Variants in AKT1S1 observed in about 807,000 individuals in gnomAD.
AKT1S1 encodes AKT1 substrate 1, also known as proline-rich AKT1 substrate 1.
Under a neutral mutation model 21.2 loss-of-function variants are expected in AKT1S1, and 17 were observed. The ratio of observed to expected loss-of-function variants is 0.80; its 90% CI spans 0.55 to 1.20. The LOEUF (loss-of-function observed/expected upper bound fraction) is 1.20. Ranked by LOEUF, AKT1S1 falls within the 50% of genes most tolerant of loss-of-function variation. The probability of loss-of-function intolerance (pLI) is 0.00; values close to 1 mark genes in which losing one functional copy is unlikely to be tolerated. For missense variants in AKT1S1, 366 were observed against 368.3 expected, an observed-to-expected ratio of 0.99 and a Z score of 0.05; for synonymous variants, 181 against 165.6, an observed-to-expected ratio of 1.09 and a Z score of -0.72.
chr19:49,874,795 C>G (rs112858907), intron 1 of AKT1S1: 5 of 152,398 alleles, frequency 3.3e-5, no homozygotes, highest in African/African-American at 1.2e-4. Context: ...AGTAAGCACA[C>G]CGCCACTGCA....
At chr19:49,871,781 G>A (rs368939470) in intron 3 of AKT1S1, 31 bp downstream of exon 3, 1 of 1,611,398 alleles carries the variant, frequency 6.2e-7, no homozygotes, top group Non-Finnish European at 8.5e-7. Context: ...CCTGCCCTCA[G>A]GTCGGGAGGG....
rs1568668058 is a variant in AKT1S1, at chr19:49,873,170, G to A, written c.126C>T (p.Gly42=). 2 of 1,534,248 alleles carry A rather than the reference G, an allele frequency of 1.3e-6. No individual in the cohort carries two copies. Among genetic ancestry groups the A allele is most frequent in the Admixed American group, 3.9e-5 (2 of 50,926 alleles). Reference sequence around the variant, plus strand: ...GACCATGGGCAGCATAGGCACAGGGGCCCGGGCGGGGTGGTGGCGGCGGGG... The same window carrying A: ...GACCATGGGCAGCATAGGCACAGGGACCCGGGCGGGGTGGTGGCGGCGGGG... ...TAAPPPPPRP[G]PCAYAAHGRG... Residue 42 remains glycine (G), a synonymous_variant, in exon 2 of 5, where the codon GGC becomes GGT. Coordinates refer to ENST00000344175, the MANE Select transcript of AKT1S1 (RefSeq NM_001098633.4). The surrounding 1 kb of genome is among the most constrained non-coding windows in gnomAD (Gnocchi z 6.9).
In AKT1S1 at chr19:49,869,930, T is replaced by C; in HGVS notation, c.758A>G (p.Lys253Arg). The change falls in exon 5 of 5, where the codon AAG (lysine) becomes AGG (arginine). Residue 253 changes from lysine (K) to arginine (R), a missense_variant. Physicochemically the swap from Lys to Arg is conservative, Grantham distance 26. Coordinates refer to ENST00000344175, the MANE Select transcript of AKT1S1 (RefSeq NM_001098633.4). ...CCTCCCTGGACTTCAATATTTCCGC[T>C]TCAGCTTCTGGAAGTCGCTGGTGTT... ...RLNTSDFQKL[K>R]RKY 5 of 1,525,504 alleles carry C rather than the reference T, an allele frequency of 3.3e-6. No homozygotes were observed. Among genetic ancestry groups the C allele is most frequent in the Non-Finnish European group, 4.4e-6 (5 of 1,128,344 alleles). 94.5% of individuals were successfully genotyped at this position (1,525,504 alleles called of 1,614,324 possible). A position where few individuals can be genotyped will look rare whatever the true frequency, so the allele number is the denominator to read the frequency against.
Position 49,873,928 on chromosome 19 carries a change from C to T in AKT1S1, c.-7-626G>A, listed in dbSNP as rs1181470030. On this transcript the variant is annotated intron_variant, in intron 1 of 4. Transcript: ENST00000344175. The surrounding 1 kb of genome is among the most constrained non-coding windows in gnomAD (Gnocchi z 6.9). ...TGGATGATGCCACCCTGCTCCGTCG[C>T]CCAGCCATCCCGTCAAGAGTGTCCT... The T allele has an allele frequency of 6.6e-6, 1 of 152,282 alleles. No homozygotes were observed. The highest frequency in any genetic ancestry group is 1.9e-4 in the East Asian group (1 of 5,204). The allele number at this position is 152,282 out of a possible 1,614,324, so 9.4% of individuals were successfully genotyped here.
intron 1 of AKT1S1, chr19:49,875,823 C>T (rs1201574862): frequency 2.0e-6 from 2 of 984,596 alleles, no homozygotes; most frequent in East Asian, 2.3e-4. Context: ...CAGGGGCACC[C>T]TGTAATGCTA....
upstream of AKT1S1, chr19:49,877,513 A>T: frequency 1.8e-6 from 1 of 554,638 alleles, no homozygotes; most frequent in Non-Finnish European, 3.2e-6. Flanking sequence ...AGCCGGATCC[A>T]CCTTCAGCGT....
chr19:49,873,240 C>T lies in AKT1S1; in HGVS notation c.56G>A (p.Arg19His), dbSNP rs1318763544. 2.6e-6 allele frequency: 4 copies of T among 1,534,970 alleles called. No homozygotes were observed. Among genetic ancestry groups the T allele is most frequent in the African/African-American group, 1.4e-5 (1 of 70,684 alleles). Residue 19 changes from arginine (R) to histidine (H), a missense_variant, in exon 2 of 5, where the codon CGC becomes CAC. Transcript: ENST00000344175. This position sits in a 1 kb window ranked among gnomAD's most constrained non-coding sequence, Gnocchi z 6.9. ...CTCCGTGCCAGTCCGGGCCCGGAAG[C>T]GCTCAGCGGCCCCCACCACGGCCTC... is the stretch of plus-strand genomic sequence containing the variant. Reference protein sequence around the residue: ...LWEAVVGAAERFRARTGTELV... With the variant: ...LWEAVVGAAEHFRARTGTELV...
rs543993929 is a variant in AKT1S1 at position 49,871,043 on chromosome 19, T to G, written c.627+504A>C. Among the ~76,000 whole-genome samples the G allele has an allele frequency of 1.8e-4, 27 of 152,228 alleles. No individual in the cohort carries two copies. The South Asian group carries it at 2.1e-3, about 12-fold the overall frequency. On this transcript the variant is annotated intron_variant, in intron 4 of 4. Coordinates refer to ENST00000344175, the MANE Select transcript of AKT1S1 (RefSeq NM_001098633.4). The stretch of plus-strand genomic sequence containing the variant: ...CTCTGCCTCTCAGGGAAGTCACATG[T>G]CCCCTCAGTGCCTCAGTTTCCCCTC...
upstream of AKT1S1, chr19:49,878,207 C>G (rs753384830): frequency 3.2e-6 from 5 of 1,565,682 alleles, no homozygotes; most frequent in African/African-American, 1.4e-5. Flanking sequence ...GACCGAGACT[C>G]TCTCATCGCT....
At chr19:49,874,602 C>A (rs1040025102) in intron 1 of AKT1S1, 1 of 152,284 alleles carries the variant, frequency 6.6e-6, no homozygotes, top group Non-Finnish European at 1.5e-5. Flanking sequence ...ATGCAGGGTG[C>A]GTCTCCTTAC....
intron 1 of AKT1S1, chr19:49,876,751 A>G: frequency 7.4e-7 from 1 of 1,350,462 alleles, no homozygotes; most frequent in Non-Finnish European, 9.7e-7. Context: ...GATGGCGGCC[A>G]CAGGGGCTTC....
chr19:49,876,718 T>C (rs2074951218), intron 1 of AKT1S1: 2 of 1,404,182 alleles, frequency 1.4e-6, no homozygotes, highest in Admixed American at 3.2e-5. Flanking sequence ...TCCGCCTCCC[T>C]TATCGGGGCC....
In AKT1S1 at chr19:49,873,055, G is replaced by C. The variant is rs1415004186; in HGVS notation, c.241C>G (p.Pro81Ala). 1.9e-6 allele frequency: 3 copies of C among 1,557,756 alleles called. No individual in the cohort carries two copies. The highest frequency in any genetic ancestry group is 2.4e-5 in the South Asian group (2 of 84,658). Residue 81 changes from proline to alanine, a missense_variant, in exon 2 of 5, where the codon CCA becomes GCA. Physicochemically the swap from Pro to Ala is conservative, Grantham distance 27 (BLOSUM62 -1). Transcript: ENST00000344175. The surrounding 1 kb of genome is among the most constrained non-coding windows in gnomAD (Gnocchi z 6.9). ...AATAARPPAP[P>A]PAPQPPSPTP... ...GGACTGGGTGGCTGTGGTGCTGGTG[G>C]GGGCGCAGGAGGCCGAGCAGCAGTG...
In AKT1S1 at chr19:49,876,680, G is replaced by A. The variant is rs1400944174; in HGVS notation, c.-8+557C>T. The A allele has an allele frequency of 1.2e-5, 18 of 1,468,778 alleles. No homozygotes were observed. The East Asian group carries it at 1.7e-4, about 14-fold the overall frequency. 91.0% of individuals were successfully genotyped at this position (1,468,778 alleles called of 1,614,324 possible). A position where few individuals can be genotyped will look rare whatever the true frequency, so the allele number is the denominator to read the frequency against. On this transcript the variant is annotated intron_variant, in intron 1 of 4. Coordinates refer to ENST00000344175, the MANE Select transcript of AKT1S1 (RefSeq NM_001098633.4). ...TGGCGGCGCCTTGCGTCACGTCCGC[G>A]CAGTTGCCCCGCCTCCTCTCCGCAC...
upstream of AKT1S1, chr19:49,877,611 C>T (rs573728355): frequency 8.4e-7 from 1 of 1,189,770 alleles, no homozygotes; most frequent in Non-Finnish European, 1.2e-6. Flanking sequence ...TTCTCTAGAA[C>T]GGGTCGGGCC....
rs756200452 is a variant in AKT1S1 at position 49,871,520 on chromosome 19, C to T, written c.627+27G>A. ...GGCTCAGAGCCCTTCCAGCTGCCCT[C>T]CCTACCTCCCCACATTTGCCCCTCA... On this transcript the variant is annotated intron_variant, in intron 4 of 4. Transcript: ENST00000344175. 6.4e-5 allele frequency: 104 copies of T among 1,613,134 alleles called. No individual in the cohort carries two copies. The South Asian group carries it at 1.0e-3, about 16-fold the overall frequency.
chr19:49,875,492 A>G (rs1298855059), intron 1 of AKT1S1, among the ~76,000 whole-genome samples: 1 of 152,212 alleles, frequency 6.6e-6, no homozygotes, highest in East Asian at 1.9e-4. Context: ...GGTGTCTCAA[A>G]CACACCCATG....
Position 49,869,888 on chromosome 19 carries a change from C to T in AKT1S1, c.*29G>A, listed in dbSNP as rs1266484393. 5 of 1,457,834 alleles carry T rather than the reference C, an allele frequency of 3.4e-6. No homozygotes were observed. The highest frequency in any genetic ancestry group is 4.5e-5 in the Admixed American group (2 of 44,340). 90.3% of individuals were successfully genotyped at this position (1,457,834 alleles called of 1,614,324 possible). ...GGGGCGTAGTGTGGGACGGGGCGGA[C>T]GCGGCCCGGGGCGCTCCCTCCCTGG... On this transcript the variant is annotated 3_prime_UTR_variant, in exon 5 of 5. Coordinates refer to ENST00000344175, the MANE Select transcript of AKT1S1 (RefSeq NM_001098633.4).
intron 2 of AKT1S1, 24 bp downstream of exon 2, chr19:49,872,893 C>A (rs2074899683): frequency 1.3e-6 from 2 of 1,587,108 alleles, no homozygotes; most frequent in East Asian, 2.2e-5. Context: ...TGGGCCGCAC[C>A]CGCCCCTGCC....
Sources: allele counts gnomAD v4.1 joint callset (sites outside exome capture counted in the v4.1 genomes callset), GRCh38; gene constraint gnomAD v4.1.1; non-coding constraint Gnocchi (gnomAD v3.1); transcripts MANE v1.5; gene names NCBI Gene and HGNC (gene_info 2026-07-23, HGNC 2026-07-21).